The following NXPH1 variants were observed in gnomAD, a reference collection of about 807,000 sequenced individuals.
NXPH1 encodes neurexophilin-1.
In NXPH1, 5 loss-of-function variants were observed where a neutral mutation model predicts 23.7. The observed-to-expected ratio is 0.21, with a 90% confidence interval of 0.11 to 0.44. The LOEUF (loss-of-function observed/expected upper bound fraction) is 0.44, where lower values mean the gene tolerates loss of function less well. Ranked by LOEUF, NXPH1 falls within the 20% of genes least tolerant of loss-of-function variation. The probability of loss-of-function intolerance (pLI) is 0.99; values close to 1 mark genes in which losing one functional copy is unlikely to be tolerated. For synonymous variants in NXPH1, 144 were observed against 122.2 expected, an observed-to-expected ratio of 1.18 and a Z score of -1.18; for missense variants, 324 against 321.6, an observed-to-expected ratio of 1.01 and a Z score of -0.06.
chr7:8,711,635 A>G (rs570161665), intron 2 of NXPH1, among the ~76,000 whole-genome samples: 1 of 152,276 alleles, frequency 6.6e-6, no homozygotes, highest in East Asian at 1.9e-4. Flanking sequence ...GGGTATGGGA[A>G]GAAAGCTATC....
intron 2 of NXPH1, among the ~76,000 whole-genome samples, chr7:8,679,587 A>G (rs1821019600): frequency 6.6e-6 from 1 of 152,236 alleles, no homozygotes; most frequent in Admixed American, 6.5e-5. Context: ...GTCACAAATT[A>G]ACTTTTGTTA....
intron 2 of NXPH1, among the ~76,000 whole-genome samples, chr7:8,550,232 A>G (rs1456158788): frequency 1.3e-5 from 2 of 151,616 alleles, no homozygotes; most frequent in Non-Finnish European, 3.0e-5. Flanking sequence ...TGTAGGGGAT[A>G]GAGATGACTT....
intron 2 of NXPH1, among the ~76,000 whole-genome samples, chr7:8,632,635 A>T (rs755840123): frequency 6.6e-6 from 1 of 152,188 alleles, no homozygotes; most frequent in Non-Finnish European, 1.5e-5. Context: ...TGAATTAGAA[A>T]GCATTCTCCT....
intron 2 of NXPH1, among the ~76,000 whole-genome samples, chr7:8,696,766 G>A (rs62446341): frequency 1.1e-3 from 167 of 150,718 alleles, no homozygotes; most frequent in Non-Finnish European, 2.0e-3. Context: ...GCGTGAACCC[G>A]TGAGACGGAG....
At chr7:8,747,822 T>C (rs1222141952) in intron 2 of NXPH1, among the ~76,000 whole-genome samples, 2 of 152,220 alleles carry the variant, frequency 1.3e-5, no homozygotes, top group African/African-American at 4.8e-5. Context: ...TTTTACTGAT[T>C]AATGTTAGTT....
At chr7:8,729,186 T>TC (rs924570755) in intron 2 of NXPH1, among the ~76,000 whole-genome samples, 1 of 151,244 alleles carries the variant, frequency 6.6e-6, no homozygotes, top group African/African-American at 2.4e-5. Flanking sequence ...GGTGGTGATA[T>TC]CCCCTTTATC....
At chr7:8,698,610 A>AT (rs35537247) in intron 2 of NXPH1, among the ~76,000 whole-genome samples, 25,420 of 152,096 alleles carry the variant, frequency 0.17, 2,654 homozygotes, top group Middle Eastern at 0.36. Flanking sequence ...TACTATACTG[A>AT]TTTTTTGTAG....
chr7:8,752,093 C>T lies in NXPH1; in HGVS notation c.*324C>T. On this transcript the variant is annotated 3_prime_UTR_variant, in exon 3 of 3. Transcript: ENST00000405863. ...TTCCTGTTGAGAGGGCTTTCATTGT[C>T]TGACTCATAATGGTTCAGGATCAAC... 2 of 240,736 alleles carry T rather than the reference C, an allele frequency of 8.3e-6. No individual in the cohort carries two copies. Among genetic ancestry groups the T allele is most frequent in the Admixed American group, 4.9e-5 (1 of 20,442 alleles). 14.9% of individuals were successfully genotyped at this position (240,736 alleles called of 1,614,324 possible). A position where few individuals can be genotyped will look rare whatever the true frequency, so the allele number is the denominator to read the frequency against.
At chr7:8,701,762 C>T (rs890556548) in intron 2 of NXPH1, among the ~76,000 whole-genome samples, 1 of 152,024 alleles carries the variant, frequency 6.6e-6, no homozygotes, top group Non-Finnish European at 1.5e-5. Context: ...TATTTGTTGG[C>T]TGAATAAGTG....
intron 2 of NXPH1, among the ~76,000 whole-genome samples, chr7:8,642,491 G>T (rs1488943538): frequency 6.6e-6 from 1 of 152,074 alleles, no homozygotes; most frequent in Non-Finnish European, 1.5e-5. Context: ...GAGGATGAGG[G>T]TGCTTAAGCA....
intron 2 of NXPH1, among the ~76,000 whole-genome samples, chr7:8,530,040 A>G (rs1227349192): frequency 6.6e-6 from 1 of 152,184 alleles, no homozygotes; most frequent in African/African-American, 2.4e-5. Context: ...GGGGAAAACA[A>G]TCCTGATTTC....
At chr7:8,639,637 A>G (rs1583210003) in intron 2 of NXPH1, among the ~76,000 whole-genome samples, 1 of 152,232 alleles carries the variant, frequency 6.6e-6, no homozygotes, top group South Asian at 2.1e-4. Flanking sequence ...TCCCCCACCC[A>G]AATCTTAACT....
At chr7:8,596,522 G>A (rs1819227950) in intron 2 of NXPH1, among the ~76,000 whole-genome samples, 1 of 152,066 alleles carries the variant, frequency 6.6e-6, no homozygotes, top group Admixed American at 6.6e-5. Flanking sequence ...CCAGTTAACT[G>A]TCATGTCTAA....
At chr7:8,452,031 G>A (rs1200549710) in intron 2 of NXPH1, among the ~76,000 whole-genome samples, 1 of 152,138 alleles carries the variant, frequency 6.6e-6, no homozygotes, top group African/African-American at 2.4e-5. Flanking sequence ...TACTGGAAAA[G>A]CTGACAGAAG....
rs1368543367 is a variant in NXPH1, at chr7:8,710,640, G to GTTT, written c.55-40364_55-40362dup. ...TTGAACAAAGCATGTCAACTGTTAC[G>GTTT]TTTTTTGTTTTTTTTTTTTTTTTTT... On this transcript the variant is annotated intron_variant, in intron 2 of 2. Transcript: ENST00000405863. Among the ~76,000 whole-genome samples, 168 of 27,670 alleles carry GTTT rather than the reference G, an allele frequency of 6.1e-3. 34 individuals carry two copies. Among genetic ancestry groups the GTTT allele is most frequent in the South Asian group, 9.5e-3 (5 of 526 alleles). The allele number at this position is 27,670 out of a possible 152,430, so 18.2% of individuals were successfully genotyped here.
chr7:8,507,371 G>A (rs566990165), intron 2 of NXPH1, among the ~76,000 whole-genome samples: 2 of 151,814 alleles, frequency 1.3e-5, no homozygotes, highest in South Asian at 2.1e-4. Flanking sequence ...ACCAGGGATA[G>A]CCACTATGAT....
chr7:8,718,691 T>C (rs77843716), intron 2 of NXPH1, among the ~76,000 whole-genome samples: 11,135 of 152,222 alleles, frequency 0.073, 517 homozygotes, highest in East Asian at 0.17. Context: ...TTCTCTACCA[T>C]TAAAGAGGTA....
chr7:8,585,790 G>A (rs1323370089), intron 2 of NXPH1, among the ~76,000 whole-genome samples: 1 of 152,208 alleles, frequency 6.6e-6, no homozygotes, highest in African/African-American at 2.4e-5. Context: ...CAGACAGCCA[G>A]CCTTGGCAAT....
At chr7:8,583,068 G>C (rs1019845291) in intron 2 of NXPH1, among the ~76,000 whole-genome samples, 1 of 152,018 alleles carries the variant, frequency 6.6e-6, no homozygotes, top group African/African-American at 2.4e-5. Context: ...ACTTGGCCGG[G>C]TTGTGACAGT....
Sources: allele counts gnomAD v4.1 joint callset (sites outside exome capture counted in the v4.1 genomes callset), GRCh38; gene constraint gnomAD v4.1.1; transcripts MANE v1.5; gene names NCBI Gene and HGNC (gene_info 2026-07-23, HGNC 2026-07-21).